ATRN: variants seen among roughly 807,000 people sequenced by gnomAD.
The protein encoded by ATRN is attractin.
In ATRN, 54 loss-of-function variants were observed where a neutral mutation model predicts 178.7. The observed-to-expected ratio is 0.30, with a 90% CI of 0.24 to 0.38. The LOEUF (loss-of-function observed/expected upper bound fraction) is 0.38. ATRN is among the 10% of genes least tolerant of loss of function. The probability of loss-of-function intolerance (pLI) is 1.00; values close to 1 mark genes in which losing one functional copy is unlikely to be tolerated. For synonymous variants in ATRN, 636 were observed against 663.0 expected, an observed-to-expected ratio of 0.96 and a Z score of 0.63; for missense variants, 1,443 against 1,815.1, an observed-to-expected ratio of 0.79 and a Z score of 3.73.
intron 11 of ATRN, 150 bp downstream of exon 11, chr20:3,565,582 A>G (rs549725903): frequency 6.1e-6 from 4 of 654,484 alleles, no homozygotes; most frequent in South Asian, 5.5e-5. Flanking sequence ...CCTGGCCAAC[A>G]TGGTAAAGAC....
At chr20:3,533,045 A>G (rs1478600548) in intron 1 of ATRN, among the ~76,000 whole-genome samples, 2 of 152,134 alleles carry the variant, frequency 1.3e-5, no homozygotes, top group South Asian at 2.1e-4. Flanking sequence ...TACAGGCGTG[A>G]GCCACCACGC....
chr20:3,584,788 C>T lies in ATRN; in HGVS notation c.3092C>T (p.Ala1031Val). Reference protein sequence around the residue: ...YKGPVKMPSQAPTGNFYPQPL... With the variant: ...YKGPVKMPSQVPTGNFYPQPL... ...GGACCAGTGAAGATGCCTTCGCAAG[C>T]CCCTACAGGAAATTTCTATCCACAG... The change falls in exon 18 of 29, where the codon GCC becomes GTC. Residue 1031 changes from alanine (A) to valine (V), a missense_variant. This residue lies in a region of ATRN where 80 missense variants were observed against 71.5 expected (regional missense o/e 1.12). Coordinates refer to ENST00000262919, the MANE Select transcript of ATRN (RefSeq NM_139321.3). 2 of 1,614,180 alleles carry T rather than the reference C, an allele frequency of 1.2e-6. No individual in the cohort carries two copies. The highest frequency in any genetic ancestry group is 1.7e-6 in the Non-Finnish European group (2 of 1,180,028).
chr20:3,547,801 T>C (rs1280510246), intron 5 of ATRN, among the ~76,000 whole-genome samples: 1 of 152,078 alleles, frequency 6.6e-6, no homozygotes, highest in Non-Finnish European at 1.5e-5. Flanking sequence ...GAGCTGACAA[T>C]AATGATATTT....
chr20:3,471,235 T>G lies in ATRN; in HGVS notation c.128T>G (p.Leu43Arg). The G allele has an allele frequency of 6.9e-7, 1 of 1,453,188 alleles. No individual in the cohort carries two copies. Among genetic ancestry groups the G allele is most frequent in the Non-Finnish European group, 9.0e-7 (1 of 1,112,160 alleles). 90.0% of individuals were successfully genotyped at this position (1,453,188 alleles called of 1,614,324 possible). ...GTGACCAGGGCTGGGAGGCCGGGGC[T>G]GGGGGCCGGGCTGCGCCTCCCGCGG... ...WDVTRAGRPG[L>R]GAGLRLPRLL... Residue 43 changes from leucine to arginine, a missense_variant, in exon 1 of 29, where the codon CTG (leucine) becomes CGG (arginine). Physicochemically the swap from Leu to Arg is moderately radical, Grantham distance 102. This residue lies in a region of ATRN where 862 missense variants were observed against 972.1 expected (regional missense o/e 0.89). Coordinates refer to ENST00000262919, the MANE Select transcript of ATRN (RefSeq NM_139321.3).
chr20:3,577,416 A>G (rs1209543390), intron 14 of ATRN, among the ~76,000 whole-genome samples: 1 of 152,088 alleles, frequency 6.6e-6, no homozygotes, highest in East Asian at 1.9e-4. Flanking sequence ...TGAGAAGGAG[A>G]GGATAGATAC....
intron 24 of ATRN, among the ~76,000 whole-genome samples, chr20:3,610,563 C>G (rs1235220429): frequency 7.3e-6 from 1 of 136,264 alleles, no homozygotes; most frequent in Non-Finnish European, 1.6e-5. Flanking sequence ...CTAGTTCCAG[C>G]TGAATTTTTT....
chr20:3,643,840 A>G (rs2087087447), intron 27 of ATRN, among the ~76,000 whole-genome samples: 1 of 152,214 alleles, frequency 6.6e-6, no homozygotes, highest in Non-Finnish European at 1.5e-5. Flanking sequence ...TATGAATTAG[A>G]ATTTCAAATC....
rs147462204 is a variant in ATRN, at chr20:3,599,231, G to T, written c.3564+1231G>T. ...TTTTTTCTTAACGATTTTAGAATAA[G>T]ATTTTAACAAAAGTACCATATATGA... On this transcript the variant is annotated intron_variant, in intron 22 of 28. Coordinates refer to ENST00000262919, the MANE Select transcript of ATRN (RefSeq NM_139321.3). Among the ~76,000 whole-genome samples the T allele has an allele frequency of 4.8e-3, 737 of 152,176 alleles. 6 individuals carry two copies. The highest frequency in any genetic ancestry group is 0.017 in the African/African-American group (693 of 41,530).
intron 1 of ATRN, among the ~76,000 whole-genome samples, chr20:3,493,624 C>T (rs1184439010): frequency 3.9e-5 from 6 of 152,052 alleles, no homozygotes; most frequent in African/African-American, 1.2e-4. Context: ...ACATGAACAA[C>T]CTGTATATGG....
chr20:3,601,517 G>A (rs1251492816), intron 23 of ATRN, among the ~76,000 whole-genome samples: 1 of 152,110 alleles, frequency 6.6e-6, no homozygotes, highest in Admixed American at 6.5e-5. Flanking sequence ...AGCTCTTGCT[G>A]TCTGCCTTAC....
chr20:3,596,298 A>G, intron 20 of ATRN, 79 bp from the exon 21 acceptor site: 3 of 1,387,452 alleles, frequency 2.2e-6, no homozygotes, highest in South Asian at 1.2e-5. Flanking sequence ...TACTTTATAT[A>G]AAAGGATCTG....
intron 24 of ATRN, among the ~76,000 whole-genome samples, chr20:3,612,329 A>G (rs1013220643): frequency 1.2e-4 from 19 of 152,240 alleles, no homozygotes; most frequent in Non-Finnish European, 8.8e-5. Flanking sequence ...TTTAGATCTT[A>G]TATACCTATG....
At position 3,650,943 on chromosome 20, in the gene ATRN, G is replaced by A. The variant is rs886817709; in HGVS notation, c.*4096G>A. 2.6e-5 allele frequency: 4 copies of A among 152,530 alleles called. No individual in the cohort carries two copies. The highest frequency in any genetic ancestry group is 4.8e-5 in the African/African-American group (2 of 41,392). The allele number at this position is 152,530 out of a possible 1,614,324, so 9.4% of individuals were successfully genotyped here. A position where few individuals can be genotyped will look rare whatever the true frequency, so the allele number is the denominator to read the frequency against. On this transcript the variant is annotated 3_prime_UTR_variant, in exon 29 of 29. Coordinates refer to ENST00000262919, the MANE Select transcript of ATRN (RefSeq NM_139321.3). The stretch of plus-strand genomic sequence containing the variant: ...ATTGTGGGTGTTATACATACATTTA[G>A]GACTGCAATTTTTTGGTATTTTTTG...
intron 1 of ATRN, among the ~76,000 whole-genome samples, chr20:3,512,107 A>ATATATATATATATATATATTTTT: frequency 2.8e-5 from 3 of 106,394 alleles, no homozygotes; most frequent in African/African-American, 4.4e-5. Flanking sequence ...ATATATATAT[A>ATATATATATATATATATATTTTT]TTTTTTTTTT....
At chr20:3,561,757 T>C (rs956823251) in intron 8 of ATRN, among the ~76,000 whole-genome samples, 2 of 152,194 alleles carry the variant, frequency 1.3e-5, no homozygotes, top group Admixed American at 6.5e-5. Flanking sequence ...AGACAGGCTC[T>C]TGTTCTCTCA....
intron 1 of ATRN, 103 bp from the exon 2 acceptor site, chr20:3,535,150 T>C: frequency 2.5e-6 from 1 of 397,368 alleles, no homozygotes; most frequent in Non-Finnish European, 3.9e-6. Context: ...TTGTATTATA[T>C]TAAGAATTAA....
intron 24 of ATRN, among the ~76,000 whole-genome samples, chr20:3,618,899 CAAG>C (rs2086873621): frequency 6.6e-6 from 1 of 152,150 alleles, no homozygotes; most frequent in Admixed American, 6.5e-5. Flanking sequence ...CAGCCAAACT[CAAG>C]GAGGTGACAG....
At chr20:3,550,706 C>T (rs1353787784) in intron 6 of ATRN, among the ~76,000 whole-genome samples, 2 of 152,154 alleles carry the variant, frequency 1.3e-5, no homozygotes, top group Non-Finnish European at 2.9e-5. Flanking sequence ...GAGCTGTTTG[C>T]CAGCCCTAGG....
chr20:3,601,037 C>G lies in ATRN; in HGVS notation c.3643+13C>G, dbSNP rs769516258. On this transcript the variant is annotated intron_variant, in intron 23 of 28. Coordinates refer to ENST00000262919, the MANE Select transcript of ATRN (RefSeq NM_139321.3). ...GCCAGTTTCTCAGGTAAAGACATACCTAGAGAAGACCCCGCAAATGAAGGT... is the reference window on the plus strand; with the variant it reads ...GCCAGTTTCTCAGGTAAAGACATACGTAGAGAAGACCCCGCAAATGAAGGT... 4.0e-5 allele frequency: 64 copies of G among 1,590,412 alleles called. No individual in the cohort carries two copies. The highest frequency in any genetic ancestry group is 5.2e-5 in the Non-Finnish European group (60 of 1,160,378).
Sources: gnomAD v4.1 joint callset for allele counts (sites outside exome capture counted in the v4.1 genomes callset) on GRCh38, gnomAD v4.1.1 for gene constraint, gnomAD v4.1.1 regional missense constraint, MANE v1.5 for transcripts, NCBI Gene and HGNC (gene_info 2026-07-23, HGNC 2026-07-21) for gene names.